The following LIN7A variants were observed in gnomAD, a reference collection of about 807,000 sequenced individuals.
LIN7A encodes lin-7 cell polarity scaffold A.
A neutral mutation model predicts 29.8 loss-of-function variants in LIN7A; 25 were observed. That is an observed-to-expected ratio of 0.84 (90% CI 0.61 to 1.17). The LOEUF is 1.17. LIN7A is among the 50% of genes most tolerant of loss of function. The probability of loss-of-function intolerance (pLI) is 0.00; values close to 1 mark genes in which losing one functional copy is unlikely to be tolerated. For missense variants in LIN7A, 239 were observed against 287.0 expected, an observed-to-expected ratio of 0.83 and a Z score of 1.21; for synonymous variants, 118 against 107.5, an observed-to-expected ratio of 1.10 and a Z score of -0.60.
intron 1 of LIN7A, among the ~76,000 whole-genome samples, chr12:80,902,220 T>TG (rs1876254591): frequency 1.3e-5 from 2 of 149,210 alleles, no homozygotes; most frequent in Non-Finnish European, 1.5e-5. Flanking sequence ...TCTATGTGTT[T>TG]TTTTTTTTTT....
chr12:80,871,200 A>C (rs1874411056), intron 2 of LIN7A, among the ~76,000 whole-genome samples: 1 of 152,204 alleles, frequency 6.6e-6, no homozygotes, highest in South Asian at 2.1e-4. Context: ...GAGAGGTAGA[A>C]AAGAGAATAT....
At chr12:80,894,870 CAGTT>C (rs1851310489) in intron 1 of LIN7A, among the ~76,000 whole-genome samples, 2 of 152,152 alleles carry the variant, frequency 1.3e-5, no homozygotes, top group East Asian at 1.9e-4. Flanking sequence ...TTATACTGCA[CAGTT>C]AAAGAAAAAT....
At chr12:80,925,265 C>T (rs1277210687) in intron 1 of LIN7A, among the ~76,000 whole-genome samples, 2 of 152,148 alleles carry the variant, frequency 1.3e-5, no homozygotes, top group African/African-American at 4.8e-5. Flanking sequence ...ATTGAAACAT[C>T]AAGAAGTATG....
rs908866572 is a variant in LIN7A at position 80,919,706 on chromosome 12, C to T, written c.82+17935G>A. ...AGTATATGTATATTGTTATAGATTT[C>T]CTACCACTGGAAAGGGGCAGGGAAC... is the stretch of plus-strand genomic sequence containing the variant. On this transcript the variant is annotated intron_variant, in intron 1 of 5. Coordinates refer to ENST00000552864, the MANE Select transcript of LIN7A (RefSeq NM_004664.4). 3.9e-5 allele frequency among the ~76,000 whole-genome samples: 6 copies of T among 152,124 alleles called. No homozygotes were observed. The East Asian group carries it at 9.6e-4, about 24-fold the overall frequency.
chr12:80,824,914 A>T (rs1871987647), intron 4 of LIN7A, among the ~76,000 whole-genome samples: 1 of 152,214 alleles, frequency 6.6e-6, no homozygotes, highest in East Asian at 1.9e-4. Flanking sequence ...ATTATACTGA[A>T]TGGGGAAAAG....
At chr12:80,820,630 TACACACACAC>T (rs3072333) in intron 4 of LIN7A, among the ~76,000 whole-genome samples, 4 of 147,426 alleles carry the variant, frequency 2.7e-5, no homozygotes, top group Non-Finnish European at 4.5e-5. Context: ...GAAGATTAAA[TACACACACAC>T]ACACACACAC....
chr12:80,912,538 A>G (rs1876808143), intron 1 of LIN7A, among the ~76,000 whole-genome samples: 1 of 151,830 alleles, frequency 6.6e-6, no homozygotes. Flanking sequence ...AACATGGTGA[A>G]ACCTCGTCTC....
intron 4 of LIN7A, among the ~76,000 whole-genome samples, chr12:80,818,721 C>A (rs377657318): frequency 7.0e-4 from 106 of 152,200 alleles, no homozygotes; most frequent in African/African-American, 2.5e-3. Flanking sequence ...GCAATATGAC[C>A]TAGGAATATA....
intron 2 of LIN7A, among the ~76,000 whole-genome samples, chr12:80,854,425 A>G (rs1450664964): frequency 1.3e-5 from 2 of 150,660 alleles, no homozygotes; most frequent in African/African-American, 4.9e-5. Flanking sequence ...ATTTATTTAG[A>G]AAGGAACAAC....
chr12:80,931,722 G>T (rs1877920780), intron 1 of LIN7A, among the ~76,000 whole-genome samples: 1 of 151,800 alleles, frequency 6.6e-6, no homozygotes, highest in Non-Finnish European at 1.5e-5. Context: ...GATTTACAAA[G>T]AAATAAAAAA....
intron 1 of LIN7A, among the ~76,000 whole-genome samples, chr12:80,916,477 T>C (rs1317336101): frequency 6.6e-6 from 1 of 152,144 alleles, no homozygotes; most frequent in African/African-American, 2.4e-5. Flanking sequence ...CTCAAGGCAT[T>C]TACACTTGCT....
At chr12:80,880,428 T>C (rs1874964809) in intron 2 of LIN7A, among the ~76,000 whole-genome samples, 1 of 152,208 alleles carries the variant, frequency 6.6e-6, no homozygotes, top group African/African-American at 2.4e-5. Context: ...GCCAAAAAAC[T>C]TCTGATAGTA....
chr12:80,819,440 AT>A (rs1421891292), intron 4 of LIN7A, among the ~76,000 whole-genome samples: 1 of 152,232 alleles, frequency 6.6e-6, no homozygotes. Context: ...GCTAATATCT[AT>A]CACAAGTGCA....
intron 2 of LIN7A, among the ~76,000 whole-genome samples, chr12:80,854,485 C>CAAAA (rs370465323): frequency 0.011 from 421 of 36,930 alleles, 45 homozygotes; most frequent in African/African-American, 0.015. Context: ...TGTTGCTAAG[C>CAAAA]CAAAAAAAAA....
chr12:80,931,534 A>T (rs1034387531), intron 1 of LIN7A, among the ~76,000 whole-genome samples: 1 of 151,630 alleles, frequency 6.6e-6, no homozygotes, highest in East Asian at 1.9e-4. Context: ...CCTCCTCGGG[A>T]GGCTGAGGCC....
rs141442628 is a variant in LIN7A, at chr12:80,814,250, C to T, written c.484-2567G>A. 4.4e-3 allele frequency among the ~76,000 whole-genome samples: 663 copies of T among 152,224 alleles called. 6 individuals carry two copies. Among genetic ancestry groups the T allele is most frequent in the African/African-American group, 0.015 (628 of 41,530 alleles). On this transcript the variant is annotated intron_variant, in intron 4 of 5. Coordinates refer to ENST00000552864, the MANE Select transcript of LIN7A (RefSeq NM_004664.4). ...AAAGGAAGGTAAACTTTGACAGCATCGTGCAATATAAACCCTATTTTCAGT... is the reference window on the plus strand; with the variant it reads ...AAAGGAAGGTAAACTTTGACAGCATTGTGCAATATAAACCCTATTTTCAGT...
chr12:80,905,209 A>G lies in LIN7A; in HGVS notation c.83-15840T>C, dbSNP rs575232452. 2.2e-4 allele frequency among the ~76,000 whole-genome samples: 33 copies of G among 150,062 alleles called. No individual in the cohort carries two copies. The East Asian group carries it at 3.3e-3, about 15-fold the overall frequency. On this transcript the variant is annotated intron_variant, in intron 1 of 5. Coordinates refer to ENST00000552864, the MANE Select transcript of LIN7A (RefSeq NM_004664.4). Reference sequence around the variant, plus strand: ...CCAAGGATTTTTTTTTTTTCTTTTGAGGCAGAGTGTGGCTCTGTCACCCAG... The same window carrying G: ...CCAAGGATTTTTTTTTTTTCTTTTGGGGCAGAGTGTGGCTCTGTCACCCAG...
intron 4 of LIN7A, among the ~76,000 whole-genome samples, chr12:80,819,647 C>G (rs931035475): frequency 8.5e-5 from 13 of 152,202 alleles, no homozygotes; most frequent in African/African-American, 3.1e-4. Context: ...GAGCTTCTTC[C>G]CTCACCAGCT....
intron 4 of LIN7A, among the ~76,000 whole-genome samples, chr12:80,821,308 A>G (rs76778621): frequency 0.024 from 3,598 of 152,302 alleles, 83 homozygotes; most frequent in Middle Eastern, 0.034. Context: ...GAAATGCATC[A>G]GGCCTGGGCA....
Sources: allele counts gnomAD v4.1 joint callset (sites outside exome capture counted in the v4.1 genomes callset), GRCh38; gene constraint gnomAD v4.1.1; transcripts MANE v1.5; gene names NCBI Gene and HGNC (gene_info 2026-07-23, HGNC 2026-07-21).